Variants in LRRTM4 observed in about 807,000 individuals in gnomAD.
LRRTM4 encodes the protein leucine rich repeat transmembrane neuronal 4.
A neutral mutation model predicts 47.6 loss-of-function variants in LRRTM4; 25 were observed. The ratio of observed to expected loss-of-function variants is 0.53; its 90% confidence interval spans 0.38 to 0.73. LRRTM4 has a LOEUF of 0.73. Ranked by LOEUF, LRRTM4 falls within the 30% of genes least tolerant of loss-of-function variation. LRRTM4 has a pLI of 0.00. For missense variants in LRRTM4, 638 were observed against 713.4 expected, an observed-to-expected ratio of 0.89 and a Z score of 1.20; for synonymous variants, 311 against 269.5, an observed-to-expected ratio of 1.15 and a Z score of -1.51.
chr2:77,130,131 C>T (rs1482569813), intron 3 of LRRTM4, among the ~76,000 whole-genome samples: 1 of 152,076 alleles, frequency 6.6e-6, no homozygotes, highest in Middle Eastern at 3.2e-3. Context: ...AGTTATTTGC[C>T]ATAACATTTT....
chr2:77,237,097 C>T (rs970716058), intron 3 of LRRTM4, among the ~76,000 whole-genome samples: 1 of 151,198 alleles, frequency 6.6e-6, no homozygotes, highest in African/African-American at 2.4e-5. Context: ...TGAATAGTTA[C>T]AGTAGAATTG....
At chr2:77,092,014 T>C (rs574270071) in intron 3 of LRRTM4, among the ~76,000 whole-genome samples, 3 of 152,144 alleles carry the variant, frequency 2.0e-5, no homozygotes, top group East Asian at 3.9e-4. Flanking sequence ...CCAGCCCTCA[T>C]GTCTGCGTGC....
intron 3 of LRRTM4, among the ~76,000 whole-genome samples, chr2:76,783,381 A>T (rs551594830): frequency 6.6e-6 from 1 of 152,290 alleles, no homozygotes; most frequent in East Asian, 1.9e-4. Flanking sequence ...TTTTAATGGT[A>T]AAATATACAT....
intron 3 of LRRTM4, among the ~76,000 whole-genome samples, chr2:77,437,713 A>G (rs1487296179): frequency 4.6e-5 from 7 of 152,116 alleles, no homozygotes; most frequent in Admixed American, 4.6e-4. Flanking sequence ...TTTAATGACT[A>G]TCTAGTTTAG....
intron 3 of LRRTM4, among the ~76,000 whole-genome samples, chr2:76,795,677 G>T (rs895929550): frequency 1.3e-5 from 2 of 152,044 alleles, no homozygotes; most frequent in Admixed American, 6.5e-5. Flanking sequence ...ACATTTCAAT[G>T]AACATGATGG....
intron 3 of LRRTM4, among the ~76,000 whole-genome samples, chr2:76,950,701 A>T (rs2103885166): frequency 6.6e-6 from 1 of 152,142 alleles, no homozygotes. Context: ...GCCCTATGAA[A>T]GCATTTTTAA....
intron 3 of LRRTM4, among the ~76,000 whole-genome samples, chr2:77,173,574 C>T (rs770672524): frequency 6.6e-6 from 1 of 152,144 alleles, no homozygotes; most frequent in African/African-American, 2.4e-5. Context: ...CAAAAATCTA[C>T]GTCACTCTCC....
chr2:77,048,660 A>G (rs1679311397), intron 3 of LRRTM4, among the ~76,000 whole-genome samples: 1 of 151,930 alleles, frequency 6.6e-6, no homozygotes, highest in Non-Finnish European at 1.5e-5. Context: ...CGATAACTAT[A>G]TGTTTTTTAT....
At chr2:76,787,250 G>A (rs1385006152) in intron 3 of LRRTM4, among the ~76,000 whole-genome samples, 1 of 152,090 alleles carries the variant, frequency 6.6e-6, no homozygotes, top group Admixed American at 6.6e-5. Flanking sequence ...GATTACTCCA[G>A]AAATAATTTA....
At chr2:77,467,539 A>C (rs1292512937) in intron 3 of LRRTM4, among the ~76,000 whole-genome samples, 2 of 152,240 alleles carry the variant, frequency 1.3e-5, no homozygotes, top group Non-Finnish European at 2.9e-5. Flanking sequence ...ACATGTGTAC[A>C]TGTAACCTTG....
intron 3 of LRRTM4, among the ~76,000 whole-genome samples, chr2:76,982,988 TTA>T (rs1228273014): frequency 1.3e-5 from 2 of 152,080 alleles, no homozygotes; most frequent in Admixed American, 6.6e-5. Context: ...GATCTGATAG[TTA>T]TATGATTAAT....
intron 3 of LRRTM4, among the ~76,000 whole-genome samples, chr2:77,039,144 T>C (rs1678942131): frequency 2.0e-5 from 3 of 151,244 alleles, no homozygotes; most frequent in South Asian, 2.1e-4. Context: ...AAAAATAAGA[T>C]ATTACATACC....
chr2:77,234,138 T>A (rs1189716370), intron 3 of LRRTM4, among the ~76,000 whole-genome samples: 1 of 152,212 alleles, frequency 6.6e-6, no homozygotes, highest in African/African-American at 2.4e-5. Context: ...AGATATACAG[T>A]ACTAGATGTA....
At chr2:77,297,000 C>T (rs1489009185) in intron 3 of LRRTM4, among the ~76,000 whole-genome samples, 1 of 152,224 alleles carries the variant, frequency 6.6e-6, no homozygotes, top group Non-Finnish European at 1.5e-5. Flanking sequence ...GCTCGACTCT[C>T]ATCATGGCTC....
chr2:76,918,570 A>G (rs895149430), intron 3 of LRRTM4, among the ~76,000 whole-genome samples: 35 of 152,202 alleles, frequency 2.3e-4, no homozygotes, highest in African/African-American at 8.4e-4. Context: ...GTTTTTAAAA[A>G]GCAGCATTTC....
At chr2:76,980,194 G>C (rs1216843217) in intron 3 of LRRTM4, among the ~76,000 whole-genome samples, 1 of 152,060 alleles carries the variant, frequency 6.6e-6, no homozygotes, top group Non-Finnish European at 1.5e-5. Flanking sequence ...AAATGTAATA[G>C]AGGCCCAAAG....
At chr2:77,050,498 G>A (rs7559563) in intron 3 of LRRTM4, among the ~76,000 whole-genome samples, 4,358 of 152,172 alleles carry the variant, frequency 0.029, 167 homozygotes, top group African/African-American at 0.091. Context: ...AAAGATCCAC[G>A]TGTCAGAATA....
chr2:77,358,864 G>A (rs946231770), intron 3 of LRRTM4, among the ~76,000 whole-genome samples: 1 of 152,182 alleles, frequency 6.6e-6, no homozygotes, highest in Non-Finnish European at 1.5e-5. Context: ...ATTGTGTATG[G>A]TGGCAGATCC....
At chr2:77,162,282 T>C (rs972128662) in intron 3 of LRRTM4, among the ~76,000 whole-genome samples, 3 of 152,180 alleles carry the variant, frequency 2.0e-5, no homozygotes, top group Non-Finnish European at 4.4e-5. Flanking sequence ...GTGGGGCGTC[T>C]GCCATTGCTG....
Sources: gnomAD v4.1 joint callset for allele counts (sites outside exome capture counted in the v4.1 genomes callset) on GRCh38, gnomAD v4.1.1 for gene constraint, MANE v1.5 for transcripts, NCBI Gene and HGNC (gene_info 2026-07-23, HGNC 2026-07-21) for gene names.